The following RAB10 variants were observed in gnomAD, a reference collection of about 807,000 sequenced individuals.
RAB10 encodes RAB10, member RAS oncogene family, also known as ras-related protein Rab-10.
In RAB10, 5 loss-of-function variants were observed where a neutral mutation model predicts 25.7. The ratio of observed to expected loss-of-function variants is 0.19; its 90% CI spans 0.10 to 0.41. The LOEUF is 0.41. RAB10 is among the 10% of genes least tolerant of loss of function. The probability of loss-of-function intolerance (pLI) is 1.00; values close to 1 mark genes in which losing one functional copy is unlikely to be tolerated. For missense variants in RAB10, 103 were observed against 245.8 expected, an observed-to-expected ratio of 0.42 and a Z score of 3.89; for synonymous variants, 89 against 86.4, an observed-to-expected ratio of 1.03 and a Z score of -0.16.
At chr2:26,116,548 G>GTTTTT (rs70950170) in intron 3 of RAB10, among the ~76,000 whole-genome samples, 1 of 62,636 alleles carries the variant, frequency 1.6e-5, no homozygotes, top group Non-Finnish European at 2.8e-5. Flanking sequence ...TCTGTCTTGT[G>GTTTTT]TTTTTTTTTT....
chr2:26,060,466 G>A (rs995623757), intron 1 of RAB10, among the ~76,000 whole-genome samples: 1 of 152,024 alleles, frequency 6.6e-6, no homozygotes, highest in South Asian at 2.1e-4. Flanking sequence ...CTAATTTTTT[G>A]TATTTTTAGT....
chr2:26,094,373 TC>T (rs1667167730), intron 1 of RAB10, among the ~76,000 whole-genome samples: 1 of 151,656 alleles, frequency 6.6e-6, no homozygotes, highest in African/African-American at 2.4e-5. Flanking sequence ...TATCTCAGCC[TC>T]CCAAGTAGCT....
At chr2:26,059,390 A>G (rs1057484020) in intron 1 of RAB10, among the ~76,000 whole-genome samples, 11 of 152,254 alleles carry the variant, frequency 7.2e-5, no homozygotes, top group African/African-American at 1.2e-4. Flanking sequence ...TCAAATAAAC[A>G]CAATGTACTA....
chr2:26,076,574 C>T (rs143649829), intron 1 of RAB10, among the ~76,000 whole-genome samples: 28 of 152,234 alleles, frequency 1.8e-4, no homozygotes, highest in African/African-American at 5.8e-4. Context: ...ACAGCAAAAG[C>T]GGCAAAATGG....
At chr2:26,071,093 C>T (rs1666617039) in intron 1 of RAB10, among the ~76,000 whole-genome samples, 3 of 152,086 alleles carry the variant, frequency 2.0e-5, no homozygotes, top group African/African-American at 7.2e-5. Context: ...CAAGAATATC[C>T]TTGATGAAGT....
chr2:26,047,339 TCCCCCCCA>T (rs1170694511), intron 1 of RAB10, among the ~76,000 whole-genome samples: 1 of 139,760 alleles, frequency 7.2e-6, no homozygotes, highest in Admixed American at 7.3e-5. Flanking sequence ...TGGGATTGGC[TCCCCCCCA>T]CCCCCCAACT....
At position 26,063,203 on chromosome 2, in the gene RAB10, G is replaced by A. The variant is rs2149267914; in HGVS notation, c.127+28468G>A. Among the ~76,000 whole-genome samples, 3 of 152,058 alleles carry A rather than the reference G, an allele frequency of 2.0e-5. No individual in the cohort carries two copies. The South Asian group carries it at 6.2e-4, about 31-fold the overall frequency. ...CTGTCCTCCTCAGGCTCGCTTTCTT[G>A]TGTAGATAGCCTTGGCAGTTTTAGA... is the stretch of plus-strand genomic sequence containing the variant. On this transcript the variant is annotated intron_variant, in intron 1 of 5. Coordinates refer to ENST00000264710, the MANE Select transcript of RAB10 (RefSeq NM_016131.5).
At chr2:26,038,652 A>G (rs192212147) in intron 1 of RAB10, among the ~76,000 whole-genome samples, 17,910 of 151,712 alleles carry the variant, frequency 0.12, 1,211 homozygotes, top group African/African-American at 0.2. Flanking sequence ...GCGGGGCGCG[A>G]TGGCTCACGC....
chr2:26,040,363 G>T (rs1665857744), intron 1 of RAB10, among the ~76,000 whole-genome samples: 1 of 151,916 alleles, frequency 6.6e-6, no homozygotes, highest in African/African-American at 2.4e-5. Context: ...GATTTATAGA[G>T]AATCTATAAC....
At chr2:26,095,212 A>G (rs1186994006) in intron 1 of RAB10, among the ~76,000 whole-genome samples, 1 of 152,102 alleles carries the variant, frequency 6.6e-6, no homozygotes, top group Non-Finnish European at 1.5e-5. Context: ...TCTCACTAAG[A>G]TTGTAGTCCT....
At position 26,079,287 on chromosome 2, in the gene RAB10, G is replaced by A. The variant is rs77428620; in HGVS notation, c.128-19375G>A. Among the ~76,000 whole-genome samples the A allele has an allele frequency of 3.4e-3, 510 of 149,558 alleles. 2 individuals are homozygous for A. Among genetic ancestry groups the A allele is most frequent in the African/African-American group, 0.012 (477 of 40,604 alleles). ...AGCAAATCTGGTTCCTCACGGAGTG[G>A]GGGTAGGAGCTAGCAAGTTTGAAAC... On this transcript the variant is annotated intron_variant, in intron 1 of 5. Coordinates refer to ENST00000264710, the MANE Select transcript of RAB10 (RefSeq NM_016131.5).
At chr2:26,119,027 G>A (rs1243966542) in intron 3 of RAB10, among the ~76,000 whole-genome samples, 1 of 152,166 alleles carries the variant, frequency 6.6e-6, no homozygotes, top group Non-Finnish European at 1.5e-5. Context: ...TGTATTCTGA[G>A]TGCTGTTTTA....
chr2:26,057,454 A>G (rs1666293606), intron 1 of RAB10, among the ~76,000 whole-genome samples: 1 of 152,038 alleles, frequency 6.6e-6, no homozygotes, highest in African/African-American at 2.4e-5. Context: ...AAAAATTAAA[A>G]AATAAAAACT....
intron 1 of RAB10, among the ~76,000 whole-genome samples, chr2:26,054,171 C>T (rs7571588): frequency 0.75 from 112,200 of 150,252 alleles, 42,131 homozygotes; most frequent in East Asian, 0.87. Context: ...CCTCAGCCTC[C>T]CAAGTAGCTG....
intron 1 of RAB10, among the ~76,000 whole-genome samples, chr2:26,093,917 T>C (rs1199769720): frequency 6.6e-6 from 1 of 152,128 alleles, no homozygotes; most frequent in Admixed American, 6.6e-5. Flanking sequence ...TTTTGAGGAG[T>C]GGGGTGTTAA....
chr2:26,046,889 CT>C (rs1185210719), intron 1 of RAB10, among the ~76,000 whole-genome samples: 1 of 152,150 alleles, frequency 6.6e-6, no homozygotes, highest in African/African-American at 2.4e-5. Context: ...TCTGTACAGA[CT>C]TTTTTTAAGT....
chr2:26,112,160 G>A (rs904784248), intron 3 of RAB10, among the ~76,000 whole-genome samples: 45 of 152,302 alleles, frequency 3.0e-4, no homozygotes, highest in South Asian at 1.4e-3. Flanking sequence ...TGTGTTCACC[G>A]AATTGGAATA....
chr2:26,100,112 A>T (rs1667313245), intron 2 of RAB10, among the ~76,000 whole-genome samples: 1 of 152,160 alleles, frequency 6.6e-6, no homozygotes, highest in Non-Finnish European at 1.5e-5. Flanking sequence ...CAGGGCTAAA[A>T]ATAGCCACAG....
chr2:26,116,520 G>A (rs998010523), intron 3 of RAB10, among the ~76,000 whole-genome samples: 1 of 135,104 alleles, frequency 7.4e-6, no homozygotes, highest in African/African-American at 2.7e-5. Flanking sequence ...CATGGAGACT[G>A]TATTTCTTTT....
Sources: gnomAD v4.1 joint callset for allele counts (sites outside exome capture counted in the v4.1 genomes callset) on GRCh38, gnomAD v4.1.1 for gene constraint, MANE v1.5 for transcripts, NCBI Gene and HGNC (gene_info 2026-07-23, HGNC 2026-07-21) for gene names.